VAV3: variants seen among roughly 807,000 people sequenced by gnomAD.
VAV3 encodes guanine nucleotide exchange factor VAV3.
A neutral mutation model predicts 131.2 loss-of-function variants in VAV3; 94 were observed. The observed-to-expected ratio is 0.72, with a 90% CI of 0.61 to 0.85. VAV3 has a LOEUF of 0.85. Ranked by LOEUF, VAV3 falls within the 40% of genes least tolerant of loss-of-function variation. The pLI is 0.00. For missense variants in VAV3, 939 were observed against 1,002.7 expected (o/e 0.94, Z 0.86); for synonymous variants, 349 against 342.0 (o/e 1.02, Z -0.22).
chr1:107,839,816 G>C (rs973900134), intron 2 of VAV3, among the ~76,000 whole-genome samples: 1 of 152,010 alleles, frequency 6.6e-6, no homozygotes, highest in Non-Finnish European at 1.5e-5. Flanking sequence ...GACACAAATT[G>C]CTAATATCAG....
chr1:107,811,635 C>T lies in VAV3; in HGVS notation c.322-32143G>A, dbSNP rs569260451. On this transcript the variant is annotated intron_variant, in intron 2 of 26. Transcript: ENST00000370056. Reference sequence around the variant, plus strand: ...GGGAAGAAAACACAATAGACCACTTCGATAACTGGAATTCATAAAAAAGCA... The same window carrying T: ...GGGAAGAAAACACAATAGACCACTTTGATAACTGGAATTCATAAAAAAGCA... Among the ~76,000 whole-genome samples the T allele has an allele frequency of 6.0e-4, 92 of 152,144 alleles. 1 individual carries two copies. The highest frequency in any genetic ancestry group is 1.3e-4 in the Non-Finnish European group (9 of 68,000).
At chr1:107,622,544 G>C (rs1653687121) in intron 20 of VAV3, among the ~76,000 whole-genome samples, 1 of 152,152 alleles carries the variant, frequency 6.6e-6, no homozygotes, top group Non-Finnish European at 1.5e-5. Flanking sequence ...ATACTACCTG[G>C]ATTGGAGCCT....
chr1:107,749,686 C>G (rs895352334), intron 13 of VAV3, 92 bp from the exon 14 acceptor site: 1 of 1,435,564 alleles, frequency 7.0e-7, no homozygotes, highest in Admixed American at 2.4e-5. Flanking sequence ...ATGTTTTTTT[C>G]TTTGCATTAA....
In VAV3 at chr1:107,813,689, C is replaced by T. The variant is rs1296618615; in HGVS notation, c.322-34197G>A. On this transcript the variant is annotated intron_variant, in intron 2 of 26. Coordinates refer to ENST00000370056, the MANE Select transcript of VAV3 (RefSeq NM_006113.5). ...ATACTCACTCTACTTTGCTATTGAA[C>T]ATTAGAACTTACTCCTTCTATCTAA... Among the ~76,000 whole-genome samples the T allele has an allele frequency of 2.0e-4, 31 of 152,088 alleles. 1 individual carries two copies. The highest frequency in any genetic ancestry group is 2.0e-3 in the Admixed American group (31 of 15,270).
chr1:107,822,646 C>A (rs1384854334), intron 2 of VAV3, among the ~76,000 whole-genome samples: 1 of 140,490 alleles, frequency 7.1e-6, no homozygotes, highest in Non-Finnish European at 1.5e-5. Context: ...CAGCGAGACT[C>A]CATCTCAAAA....
chr1:107,893,909 C>T (rs1341176149), intron 1 of VAV3, among the ~76,000 whole-genome samples: 1 of 152,170 alleles, frequency 6.6e-6, no homozygotes, highest in African/African-American at 2.4e-5. Context: ...AATAGGAAAA[C>T]TCTTTCATGA....
chr1:107,959,371 A>G (rs1674973372), intron 1 of VAV3, among the ~76,000 whole-genome samples: 1 of 152,128 alleles, frequency 6.6e-6, no homozygotes, highest in South Asian at 2.1e-4. Flanking sequence ...TACTCCCTAA[A>G]GAGCTGTCTA....
At chr1:107,644,596 A>C (rs1329387394) in intron 19 of VAV3, among the ~76,000 whole-genome samples, 1 of 152,160 alleles carries the variant, frequency 6.6e-6, no homozygotes, top group Non-Finnish European at 1.5e-5. Context: ...AGGGATAAAA[A>C]GGGAGCAGCG....
chr1:107,932,819 G>C (rs1050609538), intron 1 of VAV3, among the ~76,000 whole-genome samples: 2 of 152,200 alleles, frequency 1.3e-5, no homozygotes, highest in Non-Finnish European at 2.9e-5. Flanking sequence ...AAAGAATCCA[G>C]GTGGCCTCTG....
At position 107,751,017 on chromosome 1, in the gene VAV3, T is replaced by A. The variant is rs982108227; in HGVS notation, c.1259+100A>T. 1.4e-5 allele frequency: 16 copies of A among 1,152,486 alleles called. No individual in the cohort carries two copies. The African/African-American group carries it at 1.9e-4, about 14-fold the overall frequency. The allele number at this position is 1,152,486 out of a possible 1,614,324, so 71.4% of individuals were successfully genotyped here. A position where few individuals can be genotyped will look rare whatever the true frequency, so the allele number is the denominator to read the frequency against. ...TGGTCTGTCTCCTTGTATTTCTTCC[T>A]TTTTTCCCCCTACTTCACACTGGAA... On this transcript the variant is annotated intron_variant, in intron 13 of 26. Coordinates refer to ENST00000370056, the MANE Select transcript of VAV3 (RefSeq NM_006113.5).
chr1:107,633,795 A>G lies in VAV3; in HGVS notation c.1914+8824T>C, dbSNP rs12085805. Among the ~76,000 whole-genome samples the G allele has an allele frequency of 2.0e-3, 300 of 152,268 alleles. 1 individual carries two copies. The highest frequency in any genetic ancestry group is 7.0e-3 in the African/African-American group (289 of 41,552). ...ACCCTGCGATCACCATGCTGTGAGG[A>G]AGATAAGGAACCACTGAAGAGGTCA... On this transcript the variant is annotated intron_variant, in intron 20 of 26. Transcript: ENST00000370056.
Position 107,642,685 on chromosome 1 carries a change from AG to A in VAV3, c.1847del (p.Pro616LeufsTer13). ...TPPPALHEGP[P>X]LQLQAGDTVE... ...CGGTATCCCCGGCCTGGAGCTGTAA[AG>A]GGGGTCCTTCATGCAGAGCTGGGGG... On this transcript the variant is annotated frameshift_variant, in exon 20 of 27. Coordinates refer to ENST00000370056, the MANE Select transcript of VAV3 (RefSeq NM_006113.5). LOFTEE classifies it high-confidence loss of function. The A allele has an allele frequency of 6.2e-7, 1 of 1,613,468 alleles. No individual in the cohort carries two copies. Among genetic ancestry groups the A allele is most frequent in the Non-Finnish European group, 8.5e-7 (1 of 1,179,650 alleles).
At chr1:107,899,856 C>T (rs1671773650) in intron 1 of VAV3, among the ~76,000 whole-genome samples, 1 of 152,152 alleles carries the variant, frequency 6.6e-6, no homozygotes, top group Non-Finnish European at 1.5e-5. Context: ...TTTCCCAGAA[C>T]AGATAAGCAA....
At chr1:107,792,964 A>T (rs1325964493) in intron 2 of VAV3, among the ~76,000 whole-genome samples, 5 of 152,142 alleles carry the variant, frequency 3.3e-5, no homozygotes, top group Non-Finnish European at 5.9e-5. Context: ...TTTAAAAGTT[A>T]TCTGTTTATC....
At chr1:107,652,710 T>C (rs11185156) in intron 19 of VAV3, among the ~76,000 whole-genome samples, 24,988 of 152,146 alleles carry the variant, frequency 0.16, 2,336 homozygotes, top group Middle Eastern at 0.26. Flanking sequence ...AAATATTCAG[T>C]TATTATTGGT....
chr1:107,907,832 GTTC>G (rs1672178992), intron 1 of VAV3, among the ~76,000 whole-genome samples: 2 of 152,040 alleles, frequency 1.3e-5, no homozygotes, highest in Admixed American at 1.3e-4. Flanking sequence ...ATAAATTTCT[GTTC>G]TTTAACAATT....
At chr1:107,874,291 G>C (rs901875375) in intron 2 of VAV3, among the ~76,000 whole-genome samples, 1 of 151,972 alleles carries the variant, frequency 6.6e-6, no homozygotes, top group Admixed American at 6.6e-5. Context: ...GTGTGCATAC[G>C]GATAACAGTA....
chr1:107,730,420 A>G (rs1189711158), intron 15 of VAV3, among the ~76,000 whole-genome samples: 1 of 152,196 alleles, frequency 6.6e-6, no homozygotes, highest in South Asian at 2.1e-4. Flanking sequence ...CAGAACTTAA[A>G]CTCTGAGACT....
intron 22 of VAV3, among the ~76,000 whole-genome samples, chr1:107,604,930 T>C (rs1269449453): frequency 6.6e-6 from 1 of 152,200 alleles, no homozygotes; most frequent in Middle Eastern, 3.2e-3. Flanking sequence ...CAATTTCTTA[T>C]CAATTTTAAA....
Sources: gnomAD v4.1 joint callset for allele counts (sites outside exome capture counted in the v4.1 genomes callset) on GRCh38, gnomAD v4.1.1 for gene constraint, MANE v1.5 for transcripts, NCBI Gene and HGNC (gene_info 2026-07-23, HGNC 2026-07-21) for gene names.